Variants in SYNDIG1L observed in about 807,000 individuals in gnomAD.
The protein encoded by SYNDIG1L is synapse differentiation inducing 1 like.
SYNDIG1L carries 13 observed loss-of-function variants against 20.1 expected under a neutral mutation model. That is an observed-to-expected ratio of 0.65 (90% CI 0.42 to 1.03). SYNDIG1L has a LOEUF of 1.03. SYNDIG1L is among the 50% of genes least tolerant of loss of function. The pLI is 0.00. For missense variants in SYNDIG1L, 294 were observed against 305.1 expected (o/e 0.96, Z 0.27); for synonymous variants, 128 against 129.3 (o/e 0.99, Z 0.07).
the SYNDIG1L span, among the ~76,000 whole-genome samples, chr14:74,433,816 G>A: frequency 6.6e-6 from 1 of 152,104 alleles, no homozygotes; most frequent in Non-Finnish European, 1.5e-5. Context: ...TTCCAACCCA[G>A]GCAGCCTGGC....
At chr14:74,465,393 C>T in the SYNDIG1L span, among the ~76,000 whole-genome samples, 1 of 152,224 alleles carries the variant, frequency 6.6e-6, no homozygotes, top group East Asian at 1.9e-4. Flanking sequence ...CATCCTACCT[C>T]TCCTCCCTCT....
chr14:74,429,599 C>A (rs905741340), upstream of SYNDIG1L, among the ~76,000 whole-genome samples: 2 of 152,214 alleles, frequency 1.3e-5, no homozygotes, highest in African/African-American at 4.8e-5. Context: ...AGCCCTCTAC[C>A]TCGGAGTTGA....
the SYNDIG1L span, among the ~76,000 whole-genome samples, chr14:74,442,157 T>G: frequency 6.6e-6 from 1 of 152,198 alleles, no homozygotes; most frequent in Non-Finnish European, 1.5e-5. Flanking sequence ...ATCTGTTGAA[T>G]GTTCACCGTG....
At chr14:74,474,610 G>A in the SYNDIG1L span, 2 of 152,456 alleles carry the variant, frequency 1.3e-5, no homozygotes, top group Non-Finnish European at 2.9e-5. Flanking sequence ...AGCCAGGAGG[G>A]GAGGAGGAGC....
intron 1 of SYNDIG1L, among the ~76,000 whole-genome samples, chr14:74,410,844 T>C (rs939804167): frequency 1.3e-5 from 2 of 152,110 alleles, no homozygotes; most frequent in African/African-American, 4.8e-5. Flanking sequence ...CTAAGGCAAA[T>C]TGGGACTTTG....
chr14:74,422,211 T>C (rs908608379), intron 1 of SYNDIG1L, among the ~76,000 whole-genome samples: 1 of 152,098 alleles, frequency 6.6e-6, no homozygotes, highest in African/African-American at 2.4e-5. Flanking sequence ...CTTGGTTTGC[T>C]TGCTGGGTGA....
the SYNDIG1L span, among the ~76,000 whole-genome samples, chr14:74,440,526 A>C: frequency 6.8e-6 from 1 of 147,932 alleles, no homozygotes; most frequent in African/African-American, 2.5e-5. Flanking sequence ...TAAAAAAAAA[A>C]AAAAAAAAAA....
intron 1 of SYNDIG1L, among the ~76,000 whole-genome samples, chr14:74,413,891 T>C (rs2139623590): frequency 6.6e-6 from 1 of 152,214 alleles, no homozygotes; most frequent in South Asian, 2.1e-4. Flanking sequence ...AGGGTCATGG[T>C]TCTCTACACA....
chr14:74,424,123 T>C (rs535881256), intron 1 of SYNDIG1L, among the ~76,000 whole-genome samples: 1 of 152,288 alleles, frequency 6.6e-6, no homozygotes, highest in South Asian at 2.1e-4. Context: ...CAAACCAGGT[T>C]GATAAAGCCG....
In SYNDIG1L at chr14:74,409,618, G is replaced by A. The variant is rs60118231; in HGVS notation, c.127C>T (p.Leu43=). 2.0e-6 allele frequency: 3 copies of A among 1,507,794 alleles called. No homozygotes were observed. Among genetic ancestry groups the A allele is most frequent in the Non-Finnish European group, 2.7e-6 (3 of 1,129,978 alleles). The allele number at this position is 1,507,794 out of a possible 1,614,324, so 93.4% of individuals were successfully genotyped here. A position where few individuals can be genotyped will look rare whatever the true frequency, so the allele number is the denominator to read the frequency against. ...GCTCCGGCAGGCCCAGCGCCACCTAGGAGGTAGGAGTAGAGCTTTTCCTGG... is the reference window on the plus strand; with the variant it reads ...GCTCCGGCAGGCCCAGCGCCACCTAAGAGGTAGGAGTAGAGCTTTTCCTGG... ...SCQEKLYSYL[L]GGAGPAGAHQ... is the part of the protein sequence containing the mutation. The change falls in exon 2 of 4, where the codon CTA becomes TTA. Residue 43 remains leucine, a synonymous_variant. Coordinates refer to ENST00000331628, the MANE Select transcript of SYNDIG1L (RefSeq NM_001105579.2).
chr14:74,465,895 C>G, the SYNDIG1L span, among the ~76,000 whole-genome samples: 1 of 152,216 alleles, frequency 6.6e-6, no homozygotes, highest in Non-Finnish European at 1.5e-5. Context: ...CCAGCAGAAT[C>G]TATCTGCAGG....
chr14:74,440,771 G>A, the SYNDIG1L span, among the ~76,000 whole-genome samples: 1 of 151,498 alleles, frequency 6.6e-6, no homozygotes, highest in African/African-American at 2.4e-5. Flanking sequence ...TTTTAAAGAC[G>A]TGATAAATGT....
the SYNDIG1L span, among the ~76,000 whole-genome samples, chr14:74,444,694 C>T: frequency 1.5e-4 from 23 of 151,826 alleles, no homozygotes; most frequent in East Asian, 2.0e-4. Context: ...GAGATTGCAG[C>T]GAGTCAAGAT....
At chr14:74,454,395 C>G in the SYNDIG1L span, among the ~76,000 whole-genome samples, 1 of 152,178 alleles carries the variant, frequency 6.6e-6, no homozygotes, top group Non-Finnish European at 1.5e-5. Context: ...CAAAGGAGAA[C>G]TGCCAGGTCT....
the SYNDIG1L span, among the ~76,000 whole-genome samples, chr14:74,441,054 T>G: frequency 6.6e-6 from 1 of 152,214 alleles, no homozygotes; most frequent in Non-Finnish European, 1.5e-5. Flanking sequence ...GTTAATGGGT[T>G]TAGTACCATG....
At chr14:74,432,180 T>TGTGTGTGTGTGAGA in the SYNDIG1L span, among the ~76,000 whole-genome samples, 394 of 124,122 alleles carry the variant, frequency 3.2e-3, 2 homozygotes, top group Middle Eastern at 7.6e-3. Flanking sequence ...TGTGTGTGTG[T>TGTGTGTGTGTGAGA]GAGAGAGAGA....
At chr14:74,429,171 C>A (rs1392743386), upstream of SYNDIG1L, among the ~76,000 whole-genome samples, 1 of 152,214 alleles carries the variant, frequency 6.6e-6, no homozygotes, top group Non-Finnish European at 1.5e-5. Flanking sequence ...TGGGGCAGAG[C>A]AGCCCTGGAA....
chr14:74,444,650 C>T, the SYNDIG1L span, among the ~76,000 whole-genome samples: 30 of 151,850 alleles, frequency 2.0e-4, no homozygotes, highest in African/African-American at 7.3e-4. Context: ...ACCTGGGAGG[C>T]TGAGGTGGGA....
chr14:74,471,149 G>A, the SYNDIG1L span, among the ~76,000 whole-genome samples: 1 of 152,034 alleles, frequency 6.6e-6, no homozygotes, highest in South Asian at 2.1e-4. Flanking sequence ...CTTACTCTTG[G>A]TAACCTCCCC....
Sources: gnomAD v4.1 joint callset for allele counts (sites outside exome capture counted in the v4.1 genomes callset) on GRCh38, gnomAD v4.1.1 for gene constraint, MANE v1.5 for transcripts, NCBI Gene and HGNC (gene_info 2026-07-23, HGNC 2026-07-21) for gene names.